The following SLC4A4 variants were observed in gnomAD, a reference collection of about 807,000 sequenced individuals.
The protein encoded by SLC4A4 is electrogenic sodium bicarbonate cotransporter 1.
A neutral mutation model predicts 111.5 loss-of-function variants in SLC4A4; 27 were observed. The observed-to-expected ratio is 0.24, with a 90% CI of 0.18 to 0.33. The LOEUF is 0.33. Ranked by LOEUF, SLC4A4 falls within the 10% of genes least tolerant of loss-of-function variation. The pLI is 1.00. For missense variants in SLC4A4, 909 were observed against 1,315.5 expected (o/e 0.69, Z 4.78); for synonymous variants, 443 against 463.4 (o/e 0.96, Z 0.57).
intron 12 of SLC4A4, among the ~76,000 whole-genome samples, chr4:71,460,224 T>C (rs949119534): frequency 6.6e-6 from 1 of 152,128 alleles, no homozygotes; most frequent in Non-Finnish European, 1.5e-5. Flanking sequence ...AGAGAGGTTT[T>C]CCCTACCCCA....
chr4:71,421,162 CA>C (rs1459312744), intron 7 of SLC4A4, among the ~76,000 whole-genome samples: 1 of 150,516 alleles, frequency 6.6e-6, no homozygotes, highest in Non-Finnish European at 1.5e-5. Context: ...AAATGGAAAA[CA>C]AAAAAAGGTA....
intron 1 of SLC4A4, among the ~76,000 whole-genome samples, chr4:71,087,099 T>G (rs1742201342): frequency 6.6e-6 from 1 of 152,078 alleles, no homozygotes; most frequent in Admixed American, 6.5e-5. Flanking sequence ...TATTGTTCTT[T>G]TCAGAGATTC....
At chr4:71,351,006 G>A (rs1004715406) in intron 5 of SLC4A4, among the ~76,000 whole-genome samples, 3 of 152,124 alleles carry the variant, frequency 2.0e-5, no homozygotes, top group Non-Finnish European at 2.9e-5. Flanking sequence ...GGATAATACG[G>A]CAGTTTAGGC....
intron 2 of SLC4A4, among the ~76,000 whole-genome samples, chr4:71,134,343 C>G (rs1271057502): frequency 2.6e-5 from 4 of 152,192 alleles, no homozygotes; most frequent in Non-Finnish European, 5.9e-5. Context: ...TCCTACTGGT[C>G]TTGCTTATCA....
upstream of SLC4A4, among the ~76,000 whole-genome samples, chr4:71,183,842 A>C (rs1365033092): frequency 6.6e-6 from 1 of 152,178 alleles, no homozygotes; most frequent in Non-Finnish European, 1.5e-5. Flanking sequence ...ATTGACAAAC[A>C]TCTCTGATCA....
intron 3 of SLC4A4, among the ~76,000 whole-genome samples, chr4:71,311,480 T>G (rs989635216): frequency 3.3e-5 from 5 of 152,048 alleles, no homozygotes; most frequent in Non-Finnish European, 5.9e-5. Context: ...AGAATGGAAA[T>G]CATAACAGTC....
intron 7 of SLC4A4, among the ~76,000 whole-genome samples, chr4:71,414,993 G>A (rs1203909582): frequency 6.6e-6 from 1 of 152,182 alleles, no homozygotes; most frequent in African/African-American, 2.4e-5. Flanking sequence ...ATTAAGATTG[G>A]TGCAGTTATC....
intron 2 of SLC4A4, among the ~76,000 whole-genome samples, chr4:71,135,917 C>T (rs528798579): frequency 6.6e-6 from 1 of 152,192 alleles, no homozygotes; most frequent in African/African-American, 2.4e-5. Flanking sequence ...TAGCCAGTCT[C>T]CTGAAAGAAC....
chr4:71,437,754 A>C (rs1724289849), intron 7 of SLC4A4: 1 of 298,910 alleles, frequency 3.3e-6, no homozygotes, highest in African/African-American at 2.2e-5. Flanking sequence ...AATTCTTGGC[A>C]AGTTCAAGCT....
chr4:71,497,774 C>G, intron 16 of SLC4A4, 82 bp downstream of exon 16: 1 of 1,166,474 alleles, frequency 8.6e-7, no homozygotes, highest in Middle Eastern at 2.2e-4. Context: ...GAAAAAGGCA[C>G]CTGTAATTCA....
intron 2 of SLC4A4, among the ~76,000 whole-genome samples, chr4:71,249,009 T>A (rs1428122402): frequency 6.6e-6 from 1 of 152,144 alleles, no homozygotes. Context: ...GTTATCACTA[T>A]TATTATCATC....
intron 15 of SLC4A4, among the ~76,000 whole-genome samples, chr4:71,487,635 T>C (rs1729537801): frequency 6.6e-6 from 1 of 151,622 alleles, no homozygotes; most frequent in Admixed American, 6.6e-5. Flanking sequence ...AGACTTCCAA[T>C]TGTGCTCCTT....
intron 20 of SLC4A4, 117 bp downstream of exon 20, chr4:71,547,837 C>G (rs1735667712): frequency 1.5e-5 from 13 of 880,720 alleles, no homozygotes; most frequent in South Asian, 1.5e-4. Context: ...CTGTAACACA[C>G]TGAAGCAGGG....
intron 7 of SLC4A4, among the ~76,000 whole-genome samples, chr4:71,406,046 C>A (rs974467530): frequency 6.6e-6 from 1 of 151,402 alleles, no homozygotes; most frequent in African/African-American, 2.4e-5. Context: ...GGCTTCATCT[C>A]AAGAGCCCTT....
rs1728030983 is a variant in SLC4A4 at position 71,473,053 on chromosome 4, C to T, written c.1903+83C>T. On this transcript the variant is annotated intron_variant, in intron 14 of 25. Transcript: ENST00000264485. The stretch of plus-strand genomic sequence containing the variant: ...TCCATGCTTGCAAATTTTCAACATG[C>T]TGTCATGGTCCTCAGGAATTAGTCT... The T allele has an allele frequency of 2.1e-6, 3 of 1,419,112 alleles. No homozygotes were observed. In the East Asian group the frequency reaches 6.9e-5, roughly 32 times the overall value. The allele number at this position is 1,419,112 out of a possible 1,614,324, so 87.9% of individuals were successfully genotyped here.
chr4:71,138,373 A>T (rs1446570033), intron 2 of SLC4A4, among the ~76,000 whole-genome samples: 4 of 152,170 alleles, frequency 2.6e-5, no homozygotes, highest in African/African-American at 9.7e-5. Flanking sequence ...TCAAATGACG[A>T]TCATGGTTGG....
At chr4:71,398,199 C>T (rs149558317) in intron 7 of SLC4A4, among the ~76,000 whole-genome samples, 2 of 151,198 alleles carry the variant, frequency 1.3e-5, no homozygotes, top group African/African-American at 4.8e-5. Context: ...GCATGAGAAT[C>T]GCTTGAACCC....
At chr4:71,335,141 T>C (rs186432473) in intron 3 of SLC4A4, among the ~76,000 whole-genome samples, 2 of 152,264 alleles carry the variant, frequency 1.3e-5, no homozygotes, top group East Asian at 3.9e-4. Context: ...AGGTGGCAGA[T>C]AATCTGTACA....
In SLC4A4 at chr4:71,201,731, C is replaced by T. The variant is rs149025154; in HGVS notation, c.-2+14330C>T. ...TGTGAGTCTGAAAGCTGTTAATACT[C>T]TCCTTATTTTTTTAAATTTTCTTTG... On this transcript the variant is annotated intron_variant, in intron 1 of 25. Transcript: ENST00000264485. Among the ~76,000 whole-genome samples the T allele has an allele frequency of 4.4e-3, 668 of 152,238 alleles. 7 individuals are homozygous for T. Among genetic ancestry groups the T allele is most frequent in the African/African-American group, 0.015 (626 of 41,530 alleles).
Sources: allele counts gnomAD v4.1 joint callset (sites outside exome capture counted in the v4.1 genomes callset), GRCh38; gene constraint gnomAD v4.1.1; transcripts MANE v1.5; gene names NCBI Gene and HGNC (gene_info 2026-07-23, HGNC 2026-07-21).